The following LRP1B variants were observed in gnomAD, a reference collection of about 807,000 sequenced individuals.
The protein encoded by LRP1B is low-density lipoprotein receptor-related protein 1B.
Under a neutral mutation model 556.6 loss-of-function variants are expected in LRP1B, and 217 were observed. The ratio of observed to expected loss-of-function variants is 0.39; its 90% CI spans 0.35 to 0.44. LRP1B has a LOEUF of 0.44. Among genes scored for constraint, LRP1B ranks in the 20% least tolerant of loss-of-function variants. The pLI, the probability that LRP1B is intolerant of heterozygous loss-of-function variation, is 1.00. For missense variants in LRP1B, 5,053 were observed against 5,620.8 expected (o/e 0.90, Z 3.23); for synonymous variants, 2,047 against 1,865.8 (o/e 1.10, Z -2.50).
At chr2:141,271,038 A>G (rs1177660270) in intron 3 of LRP1B, among the ~76,000 whole-genome samples, 2 of 152,028 alleles carry the variant, frequency 1.3e-5, no homozygotes, top group Non-Finnish European at 2.9e-5. Context: ...CAACAGAAGT[A>G]TGCAAATGAG....
rs183730688 is a variant in LRP1B, at chr2:141,711,989, T to A, written c.205+98290A>T. On this transcript the variant is annotated intron_variant, in intron 2 of 90. Transcript: ENST00000389484. ...CACACACACACAACTTCATACACTT[T>A]GAGAACTGTGGGGAAAATGAGCCCT... is the stretch of plus-strand genomic sequence containing the variant. Among the ~76,000 whole-genome samples, 12 of 151,860 alleles carry A rather than the reference T, an allele frequency of 7.9e-5. No individual in the cohort carries two copies. In the East Asian group the frequency reaches 2.3e-3, roughly 30 times the overall value.
rs55730783 is a variant in LRP1B at position 141,463,606 on chromosome 2, T to A, written c.343+16790A>T. On this transcript the variant is annotated intron_variant, in intron 3 of 90. Coordinates refer to ENST00000389484, the MANE Select transcript of LRP1B (RefSeq NM_018557.3). Reference sequence around the variant, plus strand: ...ATTATATATAATATATATTATATATTATATATAATTATGTATTATATATTA... The same window carrying A: ...ATTATATATAATATATATTATATATAATATATAATTATGTATTATATATTA... Among the ~76,000 whole-genome samples the A allele has an allele frequency of 3.1e-3, 278 of 89,474 alleles. 2 individuals carry two copies. Among genetic ancestry groups the A allele is most frequent in the African/African-American group, 0.014 (263 of 18,522 alleles). The allele number at this position is 89,474 out of a possible 152,430, so 58.7% of individuals were successfully genotyped here.
At chr2:140,266,439 G>C (rs533673598) in intron 86 of LRP1B, among the ~76,000 whole-genome samples, 1 of 151,922 alleles carries the variant, frequency 6.6e-6, no homozygotes, top group Admixed American at 6.6e-5. Context: ...ATTCCTGCTT[G>C]AGATAGTACC....
intron 3 of LRP1B, among the ~76,000 whole-genome samples, chr2:141,434,864 C>G (rs1680698419): frequency 6.6e-6 from 1 of 152,160 alleles, no homozygotes; most frequent in Non-Finnish European, 1.5e-5. Flanking sequence ...TCAGATTTCT[C>G]TCCGCATTTT....
Position 141,544,343 on chromosome 2 carries a change from C to CTTCTTCTTCTTCTTCTTCTTCTT in LRP1B, c.206-63833_206-63811dup, listed in dbSNP as rs1685440351. 6.7e-4 allele frequency among the ~76,000 whole-genome samples: 56 copies of CTTCTTCTTCTTCTTCTTCTTCTT among 83,512 alleles called. 1 individual carries two copies. The highest frequency in any genetic ancestry group is 2.2e-3 in the African/African-American group (48 of 21,620). The allele number at this position is 83,512 out of a possible 152,430, so 54.8% of individuals were successfully genotyped here. A position where few individuals can be genotyped will look rare whatever the true frequency, so the allele number is the denominator to read the frequency against. On this transcript the variant is annotated intron_variant, in intron 2 of 90. Transcript: ENST00000389484. ...TCTTCTTCTTCTTCTTCTTCTTCTT[C>CTTCTTCTTCTTCTTCTTCTTCTT]TTCTTCTTCTTCTTCTTCTTCTTCT...
chr2:141,372,236 C>T (rs1689253099), intron 3 of LRP1B, among the ~76,000 whole-genome samples: 1 of 151,992 alleles, frequency 6.6e-6, no homozygotes. Flanking sequence ...ATAAATCCCA[C>T]CTGATTATGG....
chr2:140,625,812 T>G (rs1683636996), intron 41 of LRP1B, among the ~76,000 whole-genome samples: 1 of 152,184 alleles, frequency 6.6e-6, no homozygotes, highest in Non-Finnish European at 1.5e-5. Context: ...AAAGACTGTG[T>G]TGTGGCTTCT....
chr2:141,269,005 G>GCATGACACTT, intron 3 of LRP1B, among the ~76,000 whole-genome samples: 1 of 152,228 alleles, frequency 6.6e-6, no homozygotes, highest in Non-Finnish European at 1.5e-5. Context: ...GTAAAGCAGA[G>GCATGACACTT]GTATAACTCT....
intron 41 of LRP1B, 97 bp from the exon 42 acceptor site, chr2:140,601,736 A>C (rs895331119): frequency 1.5e-6 from 1 of 658,710 alleles, no homozygotes. Context: ...TATACCTGTT[A>C]TTTCATCAAC....
intron 1 of LRP1B, among the ~76,000 whole-genome samples, chr2:141,998,238 T>C (rs1041570522): frequency 9.2e-5 from 14 of 152,080 alleles, no homozygotes; most frequent in African/African-American, 3.4e-4. Context: ...AATTGTATGT[T>C]TAACTTGGTA....
intron 7 of LRP1B, among the ~76,000 whole-genome samples, chr2:141,104,708 A>G (rs912471466): frequency 3.3e-5 from 5 of 152,092 alleles, no homozygotes; most frequent in African/African-American, 9.7e-5. Flanking sequence ...AAGGGTCTGA[A>G]TTATTCCCAA....
intron 41 of LRP1B, among the ~76,000 whole-genome samples, chr2:140,661,890 T>C (rs1685109094): frequency 6.9e-6 from 1 of 145,288 alleles, no homozygotes; most frequent in South Asian, 2.2e-4. Context: ...AGATTCTAAG[T>C]TGTATAGCAT....
At position 140,994,036 on chromosome 2, in the gene LRP1B, T is replaced by A. The variant is rs1363103556; in HGVS notation, c.2603A>T (p.Asp868Val). The change falls in exon 16 of 91, where the codon GAT becomes GTT. Residue 868 changes from aspartate to valine, a missense_variant. Around this residue, in one of 5 missense-constraint regions of LRP1B, gnomAD observed 3,619 missense variants for 3,931.9 expected, o/e 0.92. Coordinates refer to ENST00000389484, the MANE Select transcript of LRP1B (RefSeq NM_018557.3). The stretch of plus-strand genomic sequence containing the variant: ...CTCATCGCTTCCGTCTAGGCAGTCA[T>A]CGTCGCCATCACATTTCCACCGAGC... Reference protein sequence around the residue: ...IQARWKCDGDDDCLDGSDEDS... With the variant: ...IQARWKCDGDVDCLDGSDEDS... 1 of 1,612,768 alleles carries A rather than the reference T, an allele frequency of 6.2e-7. No homozygotes were observed. Among genetic ancestry groups the A allele is most frequent in the South Asian group, 1.1e-5 (1 of 91,054 alleles).
intron 3 of LRP1B, among the ~76,000 whole-genome samples, chr2:141,387,355 T>C (rs1045503000): frequency 1.3e-5 from 2 of 151,670 alleles, no homozygotes; most frequent in Non-Finnish European, 2.9e-5. Flanking sequence ...ACAGAACATA[T>C]AGGAAAATAA....
chr2:140,427,447 T>C (rs1208826162), intron 66 of LRP1B, among the ~76,000 whole-genome samples: 2 of 152,144 alleles, frequency 1.3e-5, no homozygotes, highest in Non-Finnish European at 2.9e-5. Flanking sequence ...CTTAAGAACT[T>C]AAAACCTCTT....
intron 7 of LRP1B, among the ~76,000 whole-genome samples, chr2:141,125,856 A>AAC (rs1553463710): frequency 5.1e-5 from 7 of 137,204 alleles, no homozygotes; most frequent in Middle Eastern, 3.8e-3. Flanking sequence ...AAAAAAAAAA[A>AAC]AAAAACAAAA....
intron 2 of LRP1B, among the ~76,000 whole-genome samples, chr2:141,551,428 A>G (rs1304532064): frequency 1.3e-5 from 2 of 152,090 alleles, no homozygotes; most frequent in African/African-American, 4.8e-5. Context: ...ACCATTATAG[A>G]AATTAATAAA....
chr2:140,365,514 G>A (rs1682719635), intron 71 of LRP1B, among the ~76,000 whole-genome samples: 1 of 151,716 alleles, frequency 6.6e-6, no homozygotes, highest in East Asian at 1.9e-4. Flanking sequence ...GTCTAGAGAT[G>A]TAGCAATATA....
At chr2:140,726,996 G>T (rs1267148935) in intron 35 of LRP1B, among the ~76,000 whole-genome samples, 1 of 152,028 alleles carries the variant, frequency 6.6e-6, no homozygotes, top group Non-Finnish European at 1.5e-5. Context: ...CTAGAGAATG[G>T]CTAGGATACC....
Sources: gnomAD v4.1 joint callset for allele counts (sites outside exome capture counted in the v4.1 genomes callset) on GRCh38, gnomAD v4.1.1 for gene constraint, gnomAD v4.1.1 regional missense constraint, MANE v1.5 for transcripts, NCBI Gene and HGNC (gene_info 2026-07-23, HGNC 2026-07-21) for gene names.